Variants in GTF3A observed in about 807,000 individuals in gnomAD.
GTF3A encodes the protein general transcription factor IIIA.
A neutral mutation model predicts 37.6 loss-of-function variants in GTF3A; 40 were observed. The ratio of observed to expected loss-of-function variants is 1.06; its 90% CI spans 0.83 to 1.38. The LOEUF (loss-of-function observed/expected upper bound fraction) is 1.38, where lower values mean the gene tolerates loss of function less well. Among genes scored for constraint, GTF3A ranks in the 40% most tolerant of loss-of-function variants. GTF3A has a pLI of 0.00. For missense variants in GTF3A, 500 were observed against 462.6 expected (o/e 1.08, Z -0.74); for synonymous variants, 191 against 166.7 (o/e 1.15, Z -1.12).
At chr13:27,434,357 A>T (rs1239760103) in intron 6 of GTF3A, 138 bp downstream of exon 6, 2 of 673,388 alleles carry the variant, frequency 3.0e-6, no homozygotes, top group South Asian at 1.7e-5. Context: ...GCTGGGTATG[A>T]TGTTGTTGGA....
In GTF3A at chr13:27,424,654, G is replaced by C. The variant is rs1044005054; in HGVS notation, c.-84G>C. On this transcript the variant is annotated 5_prime_UTR_variant, in exon 1 of 9. Coordinates refer to ENST00000381140, the MANE Select transcript of GTF3A (RefSeq NM_002097.3). ...GCGTCGCGCGAAGGTTCAGCAGGGA[G>C]CCGTGGGCCGGGCGCGCCGGTTCCC... 5 of 1,035,940 alleles carry C rather than the reference G, an allele frequency of 4.8e-6. No homozygotes were observed. The East Asian group carries it at 1.3e-4, about 27-fold the overall frequency. The allele number at this position is 1,035,940 out of a possible 1,614,324, so 64.2% of individuals were successfully genotyped here. A position where few individuals can be genotyped will look rare whatever the true frequency, so the allele number is the denominator to read the frequency against.
At position 27,424,943 on chromosome 13, in the gene GTF3A, G is replaced by C. The variant is rs970159729; in HGVS notation, c.201+5G>C. ...CTGTGCAAGCACACGGGGGAGGTGAGGGGGGCGAGGCTGCCAACCCTGGGC... is the reference window on the plus strand; with the variant it reads ...CTGTGCAAGCACACGGGGGAGGTGACGGGGGCGAGGCTGCCAACCCTGGGC... On this transcript the variant is annotated splice_donor_5th_base_variant and intron_variant, in intron 1 of 8. Transcript: ENST00000381140. 6.5e-7 allele frequency: 1 copy of C among 1,542,006 alleles called. No homozygotes were observed. The highest frequency in any genetic ancestry group is 1.4e-5 in the African/African-American group (1 of 72,406).
chr13:27,430,084 A>G, intron 3 of GTF3A, 118 bp downstream of exon 3: 1 of 484,852 alleles, frequency 2.1e-6, no homozygotes. Context: ...TGAGGCCAGG[A>G]ATTTGAGACC....
At chr13:27,430,719 A>ATTTG in intron 4 of GTF3A, 98 bp downstream of exon 4, 1 of 760,064 alleles carries the variant, frequency 1.3e-6, no homozygotes. Context: ...TTTTTTGGCC[A>ATTTG]TTTGTATATC....
intron 5 of GTF3A, 71 bp from the exon 6 acceptor site, chr13:27,434,068 T>C (rs1953684404): frequency 2.7e-6 from 2 of 740,934 alleles, no homozygotes; most frequent in Admixed American, 3.9e-5. Context: ...GGCACCTAAG[T>C]TTCCTTTCTA....
rs372514591 is a variant in GTF3A, at chr13:27,435,455, G to C, written c.956G>C (p.Arg319Pro). The change falls in exon 9 of 9, where the codon CGG becomes CCG. Residue 319 changes from arginine to proline, a missense_variant. By Grantham distance (103) the Arg-to-Pro change is moderately radical. Coordinates refer to ENST00000381140, the MANE Select transcript of GTF3A (RefSeq NM_002097.3). ...AAGGTCAAAAAATCTCGTGAAAAAC[G>C]GAGTTTGGCCTCTCATCTCAGTGGA... is the stretch of plus-strand genomic sequence containing the variant. The C allele has an allele frequency of 6.2e-7, 1 of 1,612,768 alleles. No homozygotes were observed. The highest frequency in any genetic ancestry group is 8.5e-7 in the Non-Finnish European group (1 of 1,179,292).
intron 1 of GTF3A, among the ~76,000 whole-genome samples, chr13:27,426,886 GTA>G (rs1161327589): frequency 6.6e-6 from 1 of 152,176 alleles, no homozygotes; most frequent in Non-Finnish European, 1.5e-5. Context: ...AAAAATCTGT[GTA>G]GTGACTTTGT....
chr13:27,434,024 G>A, intron 5 of GTF3A, 115 bp from the exon 6 acceptor site: 3 of 660,430 alleles, frequency 4.5e-6, no homozygotes, highest in Admixed American at 2.5e-5. Context: ...AGGCTGAGTT[G>A]AATACTATTA....
Position 27,429,287 on chromosome 13 carries a change from A to T in GTF3A, c.303-583A>T, listed in dbSNP as rs1229881846. 2.6e-5 allele frequency: 3 copies of T among 117,622 alleles called. No individual in the cohort carries two copies. The East Asian group carries it at 7.9e-4, about 31-fold the overall frequency. The allele number at this position is 117,622 out of a possible 1,614,324, so 7.3% of individuals were successfully genotyped here. On this transcript the variant is annotated intron_variant, in intron 2 of 8. Coordinates refer to ENST00000381140, the MANE Select transcript of GTF3A (RefSeq NM_002097.3). ...CGAAGGCTCATCACAAGAGGCACAA[A>T]TTTTCTTTTGGGAAAAAAAAAAAAA...
Position 27,435,528 on chromosome 13 carries a change from A to C in GTF3A, c.1029A>C (p.Gln343His). 3.1e-6 allele frequency: 5 copies of C among 1,613,644 alleles called. No individual in the cohort carries two copies. The highest frequency in any genetic ancestry group is 3.4e-6 in the Non-Finnish European group (4 of 1,179,612). Residue 343 changes from glutamine to histidine, a missense_variant, in exon 9 of 9, where the codon CAA becomes CAC. Physicochemically the swap from Gln to His is conservative, Grantham distance 24 (BLOSUM62 0). Coordinates refer to ENST00000381140, the MANE Select transcript of GTF3A (RefSeq NM_002097.3). ...AAGGGCAAGGCTTATCTTTGTGTCA[A>C]AACGGAGAGTCACCCAACTGTGTGG...
At chr13:27,435,280 C>T in intron 8 of GTF3A, 88 bp downstream of exon 8, 2 of 1,315,522 alleles carry the variant, frequency 1.5e-6, no homozygotes, top group Non-Finnish European at 2.1e-6. Context: ...TTTTCACCTG[C>T]TTTACTGTTT....
intron 1 of GTF3A, 125 bp from the exon 2 acceptor site, chr13:27,426,965 GCT>G (rs776069067): frequency 1.1e-4 from 69 of 627,842 alleles, no homozygotes; most frequent in Middle Eastern, 1.0e-3. Context: ...TGGGTGCACA[GCT>G]CTGAGTAGAA....
At chr13:27,425,414 C>T (rs1036621882) in intron 1 of GTF3A, 6 of 154,716 alleles carry the variant, frequency 3.9e-5, no homozygotes, top group African/African-American at 1.2e-4. Flanking sequence ...TGGGTCGAGC[C>T]GACCACAGGA....
At chr13:27,434,043 A>G in intron 5 of GTF3A, 96 bp from the exon 6 acceptor site, 1 of 700,950 alleles carries the variant, frequency 1.4e-6, no homozygotes, top group Non-Finnish European at 2.6e-6. Context: ...TAGGCGGGGA[A>G]TGGAAAATTA....
chr13:27,426,888 A>G (rs1373107247), intron 1 of GTF3A, among the ~76,000 whole-genome samples: 1 of 152,204 alleles, frequency 6.6e-6, no homozygotes, highest in Non-Finnish European at 1.5e-5. Context: ...AAATCTGTGT[A>G]GTGACTTTGT....
At chr13:27,426,942 C>G in intron 1 of GTF3A, 150 bp from the exon 2 acceptor site, 1 of 570,640 alleles carries the variant, frequency 1.8e-6, no homozygotes, top group Admixed American at 3.0e-5. Flanking sequence ...TGCAGGAACA[C>G]TGCGTCTTGC....
intron 5 of GTF3A, 128 bp downstream of exon 5, chr13:27,432,932 G>A: frequency 2.8e-6 from 2 of 727,106 alleles, no homozygotes; most frequent in African/African-American, 1.8e-5. Flanking sequence ...GCTTATTTGG[G>A]TCTTACACTC....
intron 5 of GTF3A, among the ~76,000 whole-genome samples, chr13:27,433,543 T>G (rs796903778): frequency 1.5e-4 from 21 of 143,396 alleles, no homozygotes; most frequent in African/African-American, 5.4e-4. Context: ...AAAACTTTTT[T>G]TTTTTTTTTT....
In GTF3A at chr13:27,435,190, A is replaced by AAAGT; in HGVS notation, c.933+3_933+6dup. The AAAGT allele has an allele frequency of 6.3e-7, 1 of 1,596,958 alleles. No individual in the cohort carries two copies. The highest frequency in any genetic ancestry group is 8.5e-7 in the Non-Finnish European group (1 of 1,175,000). On this transcript the variant is annotated frameshift_variant and splice_region_variant, in exon 8 of 9. Transcript: ENST00000381140. LOFTEE classifies it low-confidence loss of function (END_TRUNC). ...TCCTGACAAGAAGAAAATGAAGCTCAAAGTAAGTTGAAACTACTTAGGCAA... is the reference window on the plus strand; with the variant it reads ...TCCTGACAAGAAGAAAATGAAGCTCAAAGTAAGTAAGTTGAAACTACTTAGGCAA...
Sources: allele counts gnomAD v4.1 joint callset (sites outside exome capture counted in the v4.1 genomes callset), GRCh38; gene constraint gnomAD v4.1.1; transcripts MANE v1.5; gene names NCBI Gene and HGNC (gene_info 2026-07-23, HGNC 2026-07-21).